The following AP3B1 variants were observed in gnomAD, a reference collection of about 807,000 sequenced individuals.
AP3B1 encodes the protein AP-3 complex subunit beta-1.
AP3B1 carries 61 observed loss-of-function variants against 132.5 expected under a neutral mutation model. The observed-to-expected ratio is 0.46, with a 90% CI of 0.37 to 0.57. The LOEUF (loss-of-function observed/expected upper bound fraction) is 0.57, where lower values mean the gene tolerates loss of function less well. Ranked by LOEUF, AP3B1 falls within the 20% of genes least tolerant of loss-of-function variation. The probability of loss-of-function intolerance (pLI) is 0.00; values close to 1 mark genes in which losing one functional copy is unlikely to be tolerated. For synonymous variants in AP3B1, 388 were observed against 438.3 expected (o/e 0.89, Z 1.43); for missense variants, 1,120 against 1,289.4 (o/e 0.87, Z 2.01).
chr5:78,253,747 A>G (rs373460547), intron 2 of AP3B1, among the ~76,000 whole-genome samples: 1 of 152,066 alleles, frequency 6.6e-6, no homozygotes, highest in Admixed American at 6.6e-5. Flanking sequence ...TAGACGGATC[A>G]TGAAGTCAGG....
At chr5:78,212,199 C>T (rs7701106) in intron 7 of AP3B1, among the ~76,000 whole-genome samples, 1 of 152,088 alleles carries the variant, frequency 6.6e-6, no homozygotes, top group East Asian at 1.9e-4. Flanking sequence ...CGAATCGCTT[C>T]AACCCAGGAG....
intron 6 of AP3B1, among the ~76,000 whole-genome samples, chr5:78,223,907 G>T (rs1172601806): frequency 6.6e-6 from 1 of 152,110 alleles, no homozygotes; most frequent in Non-Finnish European, 1.5e-5. Flanking sequence ...ATATTATACA[G>T]AGAGAGTTCA....
intron 8 of AP3B1, among the ~76,000 whole-genome samples, chr5:78,180,361 C>T (rs548436741): frequency 2.2e-4 from 34 of 152,000 alleles, no homozygotes; most frequent in Admixed American, 8.5e-4. Context: ...AACCTAAATC[C>T]GTCAAGCCTT....
intron 22 of AP3B1, among the ~76,000 whole-genome samples, chr5:78,077,840 T>C (rs1271272833): frequency 6.6e-6 from 1 of 152,210 alleles, no homozygotes; most frequent in Non-Finnish European, 1.5e-5. Flanking sequence ...ATTTGACTAT[T>C]TCCCTCAGTA....
At chr5:78,007,151 G>T (rs1037027768) in intron 26 of AP3B1, among the ~76,000 whole-genome samples, 1 of 152,160 alleles carries the variant, frequency 6.6e-6, no homozygotes, top group African/African-American at 2.4e-5. Flanking sequence ...AGAAGGAAAA[G>T]AAATCCTATA....
intron 20 of AP3B1, among the ~76,000 whole-genome samples, chr5:78,104,552 GT>G: frequency 6.6e-6 from 1 of 152,144 alleles, no homozygotes; most frequent in Non-Finnish European, 1.5e-5. Context: ...ATTTATAAAA[GT>G]TATATAATTG....
At chr5:78,018,334 A>T (rs1001960740) in intron 25 of AP3B1, among the ~76,000 whole-genome samples, 21 of 151,962 alleles carry the variant, frequency 1.4e-4, no homozygotes, top group African/African-American at 4.8e-4. Context: ...ATATATATAT[A>T]AAAAAGTTTA....
At chr5:78,165,560 G>T in intron 12 of AP3B1, 50 bp downstream of exon 12, 1 of 1,270,780 alleles carries the variant, frequency 7.9e-7, no homozygotes, top group South Asian at 1.2e-5. Flanking sequence ...GCATATTTAA[G>T]ACTGAACATA....
chr5:78,015,809 C>T, intron 25 of AP3B1: 1 of 416,598 alleles, frequency 2.4e-6, no homozygotes, highest in Non-Finnish European at 4.4e-6. Flanking sequence ...AGGATAAAAA[C>T]TTAGAATCAC....
intron 6 of AP3B1, among the ~76,000 whole-genome samples, chr5:78,223,952 T>C (rs932245337): frequency 1.1e-4 from 16 of 152,182 alleles, no homozygotes; most frequent in African/African-American, 2.7e-4. Context: ...TCTTAGTCTA[T>C]AATGTAGCAG....
intron 24 of AP3B1, among the ~76,000 whole-genome samples, chr5:78,025,631 G>T (rs921222201): frequency 6.6e-6 from 1 of 152,164 alleles, no homozygotes; most frequent in Non-Finnish European, 1.5e-5. Context: ...AAGCCTGGAG[G>T]TGGAGCAGCC....
chr5:78,196,911 G>C (rs1288727853), intron 7 of AP3B1, among the ~76,000 whole-genome samples: 1 of 152,110 alleles, frequency 6.6e-6, no homozygotes, highest in Non-Finnish European at 1.5e-5. Flanking sequence ...TTTTAGGGCA[G>C]CAAAACTATT....
At chr5:78,092,662 C>A (rs1448562151) in intron 21 of AP3B1, among the ~76,000 whole-genome samples, 1 of 152,136 alleles carries the variant, frequency 6.6e-6, no homozygotes, top group Non-Finnish European at 1.5e-5. Context: ...ATTTTATTTA[C>A]TTATTTTTGA....
intron 18 of AP3B1, among the ~76,000 whole-genome samples, chr5:78,114,290 G>A (rs1426649130): frequency 6.6e-6 from 1 of 152,026 alleles, no homozygotes; most frequent in Admixed American, 6.6e-5. Context: ...AAATAATTTT[G>A]AATTCTTCTG....
intron 2 of AP3B1, among the ~76,000 whole-genome samples, chr5:78,259,864 G>C (rs1459401056): frequency 6.6e-6 from 1 of 152,078 alleles, no homozygotes; most frequent in Non-Finnish European, 1.5e-5. Flanking sequence ...CAGCTATTCA[G>C]GAGGCTGAGG....
intron 2 of AP3B1, among the ~76,000 whole-genome samples, chr5:78,242,065 G>A (rs950523707): frequency 6.6e-6 from 1 of 152,214 alleles, no homozygotes; most frequent in African/African-American, 2.4e-5. Flanking sequence ...ATCACTGACA[G>A]TTTAATATGC....
chr5:78,292,831 TTTTG>T (rs1288695236), intron 1 of AP3B1, among the ~76,000 whole-genome samples: 1 of 151,904 alleles, frequency 6.6e-6, no homozygotes, highest in Non-Finnish European at 1.5e-5. Context: ...CGTAAGTTTT[TTTTG>T]TTTTTTTTTT....
chr5:78,247,862 T>C (rs1397722219), intron 2 of AP3B1, among the ~76,000 whole-genome samples: 4 of 152,204 alleles, frequency 2.6e-5, no homozygotes, highest in Non-Finnish European at 5.9e-5. Flanking sequence ...AGGTCTACCA[T>C]TTTAGTATCC....
chr5:78,067,012 A>G (rs1412301278), intron 22 of AP3B1, among the ~76,000 whole-genome samples: 1 of 152,204 alleles, frequency 6.6e-6, no homozygotes. Context: ...CCAATATTCA[A>G]CATTCTTAAA....
Sources: gnomAD v4.1 joint callset for allele counts (sites outside exome capture counted in the v4.1 genomes callset) on GRCh38, gnomAD v4.1.1 for gene constraint, MANE v1.5 for transcripts, NCBI Gene and HGNC (gene_info 2026-07-23, HGNC 2026-07-21) for gene names.